The following PRKCH variants were observed in gnomAD, a reference collection of about 807,000 sequenced individuals.
PRKCH encodes protein kinase C eta type.
Under a neutral mutation model 82.5 loss-of-function variants are expected in PRKCH, and 28 were observed. The observed-to-expected ratio is 0.34, with a 90% CI of 0.25 to 0.47. The LOEUF (loss-of-function observed/expected upper bound fraction) is 0.47. Among genes scored for constraint, PRKCH ranks in the 20% least tolerant of loss-of-function variants. The pLI is 1.00. For synonymous variants in PRKCH, 322 were observed against 327.4 expected (o/e 0.98, Z 0.18); for missense variants, 705 against 881.8 (o/e 0.80, Z 2.54).
chr14:61,360,965 A>G (rs2046216799), intron 1 of PRKCH: 1 of 152,258 alleles, frequency 6.6e-6, no homozygotes, highest in African/African-American at 2.4e-5. Context: ...TGTTCAAGTT[A>G]CCTACAGTAG....
intron 10 of PRKCH, among the ~76,000 whole-genome samples, chr14:61,499,729 T>C (rs1886816821): frequency 6.7e-6 from 1 of 148,952 alleles, no homozygotes. Context: ...GAGCAGTCAT[T>C]TTTTTCCGTA....
At chr14:61,359,029 A>G (rs1327315052) in intron 1 of PRKCH, among the ~76,000 whole-genome samples, 1 of 152,194 alleles carries the variant, frequency 6.6e-6, no homozygotes, top group Non-Finnish European at 1.5e-5. Flanking sequence ...TTGGATCATA[A>G]TCTATTTATG....
chr14:61,446,584 C>T (rs1044123734), intron 4 of PRKCH, among the ~76,000 whole-genome samples: 1 of 152,204 alleles, frequency 6.6e-6, no homozygotes, highest in Admixed American at 6.5e-5. Context: ...AAGACATACT[C>T]TTGGATCTAA....
At chr14:61,506,322 G>A (rs1887146640) in intron 10 of PRKCH, among the ~76,000 whole-genome samples, 1 of 152,164 alleles carries the variant, frequency 6.6e-6, no homozygotes, top group South Asian at 2.1e-4. Context: ...GTACTTCAGT[G>A]TGAGTCAGCA....
At position 61,343,351 on chromosome 14, in the gene PRKCH, CAAA is replaced by C. The variant is rs57154047; in HGVS notation, c.363+20909_363+20911del. Among the ~76,000 whole-genome samples the C allele has an allele frequency of 6.1e-3, 533 of 87,342 alleles. 2 individuals carry two copies. The highest frequency in any genetic ancestry group is 0.011 in the South Asian group (26 of 2,346). 57.3% of individuals were successfully genotyped at this position (87,342 alleles called of 152,430 possible). On this transcript the variant is annotated intron_variant, in intron 1 of 13. Coordinates refer to ENST00000332981, the MANE Select transcript of PRKCH (RefSeq NM_006255.5). ...TTAGAGAAATAATGACCAGTTCCCT[CAAA>C]AAAAAAAAAAAAAAAAAAAAAGGAA...
chr14:61,391,048 T>C (rs575863776), intron 1 of PRKCH, among the ~76,000 whole-genome samples, 177 bp from the exon 2 acceptor site: 1 of 152,328 alleles, frequency 6.6e-6, no homozygotes, highest in East Asian at 1.9e-4. Flanking sequence ...TTTCAGTCTT[T>C]ACAGTTTTTT....
At chr14:61,329,844 C>T (rs2045759268) in intron 1 of PRKCH, among the ~76,000 whole-genome samples, 1 of 152,132 alleles carries the variant, frequency 6.6e-6, no homozygotes, top group Admixed American at 6.5e-5. Flanking sequence ...AATGGATTGG[C>T]CTCTAATGGA....
chr14:61,219,159 A>T (rs924654475), intron 1 of PRKCH, among the ~76,000 whole-genome samples: 1 of 152,254 alleles, frequency 6.6e-6, no homozygotes, highest in African/African-American at 2.4e-5. Flanking sequence ...TAGGTGTGTT[A>T]TAGGGGCTCA....
intron 1 of PRKCH, among the ~76,000 whole-genome samples, chr14:61,247,430 A>G (rs890854691): frequency 2.6e-5 from 4 of 152,268 alleles, no homozygotes; most frequent in African/African-American, 9.6e-5. Flanking sequence ...TGTTTGGTAG[A>G]ATGAATGAAA....
intron 9 of PRKCH, among the ~76,000 whole-genome samples, chr14:61,484,383 C>G (rs3783774): frequency 0.68 from 101,026 of 148,530 alleles, 37,827 homozygotes; most frequent in Non-Finnish European, 0.84. Flanking sequence ...CTATGGGATC[C>G]CGGCTCCGAA....
intron 1 of PRKCH, among the ~76,000 whole-genome samples, chr14:61,286,526 C>T (rs2045315058): frequency 6.6e-6 from 1 of 152,196 alleles, no homozygotes; most frequent in East Asian, 1.9e-4. Flanking sequence ...CCTGTAATCC[C>T]AGCACTTTGG....
chr14:61,210,960 C>T (rs1206940001), intron 1 of PRKCH, among the ~76,000 whole-genome samples: 1 of 152,088 alleles, frequency 6.6e-6, no homozygotes, highest in Non-Finnish European at 1.5e-5. Context: ...ACCCAAAAGT[C>T]CAAGTAAATG....
At chr14:61,499,243 C>T (rs1047985219) in intron 10 of PRKCH, among the ~76,000 whole-genome samples, 4 of 152,244 alleles carry the variant, frequency 2.6e-5, no homozygotes, top group Non-Finnish European at 5.9e-5. Flanking sequence ...GGAATTTTTT[C>T]CTTTGTCTTG....
intron 1 of PRKCH, among the ~76,000 whole-genome samples, chr14:61,339,031 ACTGT>A (rs754610299): frequency 1.3e-5 from 2 of 152,154 alleles, no homozygotes; most frequent in Non-Finnish European, 2.9e-5. Context: ...AAAGGAAGAA[ACTGT>A]CTGAGAGAAT....
intron 1 of PRKCH, among the ~76,000 whole-genome samples, chr14:61,236,710 C>A (rs182883487): frequency 9.0e-3 from 788 of 87,538 alleles, no homozygotes; most frequent in African/African-American, 0.014. Flanking sequence ...TGTCTCAAAA[C>A]AAAAAAAAAA....
chr14:61,196,117 T>G (rs76316596), intron 1 of PRKCH, among the ~76,000 whole-genome samples: 6,446 of 152,128 alleles, frequency 0.042, 190 homozygotes, highest in Middle Eastern at 0.095. Context: ...ATAAAGTCCT[T>G]AAAATAGCCT....
intron 2 of PRKCH, among the ~76,000 whole-genome samples, chr14:61,416,052 T>C (rs923774325): frequency 7.6e-4 from 52 of 68,230 alleles, no homozygotes; most frequent in African/African-American, 2.7e-3. Context: ...TCTTTTCTTT[T>C]CTTTTTTTTT....
intron 2 of PRKCH, among the ~76,000 whole-genome samples, chr14:61,393,766 T>G (rs1418098533): frequency 6.6e-6 from 1 of 152,222 alleles, no homozygotes; most frequent in African/African-American, 2.4e-5. Flanking sequence ...AATTCTGCCT[T>G]CAAGCCAATA....
intron 1 of PRKCH, chr14:61,304,335 A>G (rs1367447348): frequency 6.6e-6 from 1 of 152,154 alleles, no homozygotes; most frequent in African/African-American, 2.4e-5. Flanking sequence ...GAGAAGAAAA[A>G]AGTTCTTTAT....
Sources: gnomAD v4.1 joint callset for allele counts (sites outside exome capture counted in the v4.1 genomes callset) on GRCh38, gnomAD v4.1.1 for gene constraint, MANE v1.5 for transcripts, NCBI Gene and HGNC (gene_info 2026-07-23, HGNC 2026-07-21) for gene names.